The following GRIA1 variants were observed in gnomAD, a reference collection of about 807,000 sequenced individuals.
The protein encoded by GRIA1 is glutamate ionotropic receptor AMPA type subunit 1.
A neutral mutation model predicts 99.2 loss-of-function variants in GRIA1; 31 were observed. That is an observed-to-expected ratio of 0.31 (90% confidence interval 0.23 to 0.42). The LOEUF (loss-of-function observed/expected upper bound fraction) is 0.42, where lower values mean the gene tolerates loss of function less well. Among genes scored for constraint, GRIA1 ranks in the 10% least tolerant of loss-of-function variants. GRIA1 has a pLI of 1.00. For synonymous variants in GRIA1, 438 were observed against 432.4 expected, an observed-to-expected ratio of 1.01 and a Z score of -0.16; for missense variants, 782 against 1,157.5, an observed-to-expected ratio of 0.68 and a Z score of 4.71.
At chr5:153,610,723 G>A (rs1581325800) in intron 2 of GRIA1, among the ~76,000 whole-genome samples, 1 of 152,182 alleles carries the variant, frequency 6.6e-6, no homozygotes, top group South Asian at 2.1e-4. Context: ...TAAAATGGAA[G>A]TAAAAGTGCT....
Position 153,813,205 on chromosome 5 carries a change from A to C in GRIA1, c.*1980A>C, listed in dbSNP as rs1048377363. On this transcript the variant is annotated 3_prime_UTR_variant, in exon 16 of 16. Coordinates refer to ENST00000285900, the MANE Select transcript of GRIA1 (RefSeq NM_000827.4). ...CCCTCAAGATGGATGATTGCTTTTA[A>C]CTACTGCCAGCTGATGTCTCTCAGC... The C allele has an allele frequency of 3.9e-5, 6 of 152,172 alleles. No homozygotes were observed. Among genetic ancestry groups the C allele is most frequent in the African/African-American group, 1.4e-4 (6 of 41,436 alleles). The allele number at this position is 152,172 out of a possible 1,614,324, so 9.4% of individuals were successfully genotyped here. A position where few individuals can be genotyped will look rare whatever the true frequency, so the allele number is the denominator to read the frequency against.
chr5:153,794,809 C>T (rs1040950090), intron 14 of GRIA1, 74 bp downstream of exon 14: 3 of 828,020 alleles, frequency 3.6e-6, no homozygotes, highest in Non-Finnish European at 6.1e-6. Flanking sequence ...ACTGTTCTCC[C>T]AATACCTATC....
intron 2 of GRIA1, among the ~76,000 whole-genome samples, chr5:153,567,889 C>T (rs1761787768): frequency 6.6e-6 from 1 of 151,672 alleles, no homozygotes; most frequent in African/African-American, 2.4e-5. Context: ...ATCTAGTAGA[C>T]AGTAATAAGA....
At chr5:153,783,645 A>G (rs1282636269) in intron 13 of GRIA1, among the ~76,000 whole-genome samples, 1 of 152,202 alleles carries the variant, frequency 6.6e-6, no homozygotes, top group Admixed American at 6.5e-5. Flanking sequence ...CACATTTTAA[A>G]CTGCTGTGCA....
chr5:153,708,978 C>T (rs980188614), intron 11 of GRIA1, among the ~76,000 whole-genome samples: 1 of 152,122 alleles, frequency 6.6e-6, no homozygotes, highest in African/African-American at 2.4e-5. Flanking sequence ...TGTAAAATCT[C>T]CCTTGAGAGA....
intron 2 of GRIA1, among the ~76,000 whole-genome samples, chr5:153,524,716 T>C (rs889544896): frequency 6.6e-6 from 1 of 152,248 alleles, no homozygotes; most frequent in Non-Finnish European, 1.5e-5. Context: ...GATTCTGTCT[T>C]TGTACCCAGT....
chr5:153,655,776 C>G (rs779245795), intron 4 of GRIA1, 43 bp from the exon 5 acceptor site: 2 of 1,555,884 alleles, frequency 1.3e-6, no homozygotes, highest in Non-Finnish European at 1.8e-6. Flanking sequence ...GTGGCTTTAA[C>G]TGTTAGTATG....
At position 153,812,997 on chromosome 5, in the gene GRIA1, T is replaced by G. The variant is rs1418788020; in HGVS notation, c.*1772T>G. ...GTTTTGGAGCCCACCTAGGGGTAGG[T>G]GCAGCTTTATTGGCTTTTCTGTGGA... On this transcript the variant is annotated 3_prime_UTR_variant, in exon 16 of 16. Coordinates refer to ENST00000285900, the MANE Select transcript of GRIA1 (RefSeq NM_000827.4). 6.6e-6 allele frequency: 1 copy of G among 152,252 alleles called. No individual in the cohort carries two copies. The highest frequency in any genetic ancestry group is 2.4e-5 in the African/African-American group (1 of 41,454). 9.4% of individuals were successfully genotyped at this position (152,252 alleles called of 1,614,324 possible).
Position 153,705,786 on chromosome 5 carries a change from C to T in GRIA1, c.1542C>T (p.Ile514=), listed in dbSNP as rs1411245988. The T allele has an allele frequency of 2.1e-5, 33 of 1,561,782 alleles. No homozygotes were observed. Among genetic ancestry groups the T allele is most frequent in the Non-Finnish European group, 2.9e-5 (33 of 1,149,926 alleles). Residue 514 remains isoleucine (I), a synonymous_variant, in exon 11 of 16, where the codon ATC becomes ATT. Coordinates refer to ENST00000285900, the MANE Select transcript of GRIA1 (RefSeq NM_000827.4). ...CCAAACCATTTATGAGTTTGGGGAT[C>T]TCCATCATGATTAAAAAACCACAGA... ...DFSKPFMSLG[I]SIMIKKPQKS...
intron 2 of GRIA1, among the ~76,000 whole-genome samples, chr5:153,504,366 T>C (rs915538460): frequency 1.3e-5 from 2 of 151,786 alleles, no homozygotes; most frequent in African/African-American, 4.8e-5. Context: ...ATATACACTA[T>C]CTATATATAG....
At chr5:153,723,226 C>A (rs1269488317) in intron 11 of GRIA1, among the ~76,000 whole-genome samples, 1 of 152,198 alleles carries the variant, frequency 6.6e-6, no homozygotes, top group Non-Finnish European at 1.5e-5. Flanking sequence ...TGGGTTGCAT[C>A]ATCATATCGT....
chr5:153,513,913 G>A (rs771709658), intron 2 of GRIA1, among the ~76,000 whole-genome samples: 1 of 152,160 alleles, frequency 6.6e-6, no homozygotes, highest in South Asian at 2.1e-4. Flanking sequence ...ATGAAAAATT[G>A]CTTGTGAAAT....
chr5:153,760,021 A>G (rs374837822), intron 11 of GRIA1, among the ~76,000 whole-genome samples: 1 of 152,220 alleles, frequency 6.6e-6, no homozygotes, highest in East Asian at 1.9e-4. Flanking sequence ...AACCCTCAAC[A>G]AATTAACTAT....
At chr5:153,491,186 C>A in intron 1 of GRIA1, 1 of 1,135,698 alleles carries the variant, frequency 8.8e-7, no homozygotes, top group East Asian at 2.7e-5. Context: ...CACACGCACA[C>A]ATACCCTACT....
At chr5:153,615,943 A>C (rs2149415649) in intron 2 of GRIA1, among the ~76,000 whole-genome samples, 1 of 152,240 alleles carries the variant, frequency 6.6e-6, no homozygotes, top group East Asian at 1.9e-4. Flanking sequence ...TTTATTTTGA[A>C]AGCACTATCT....
chr5:153,802,155 T>C (rs1247089723), intron 14 of GRIA1, among the ~76,000 whole-genome samples: 2 of 152,116 alleles, frequency 1.3e-5, no homozygotes, highest in Non-Finnish European at 2.9e-5. Context: ...AATGTATAAA[T>C]ACATATACAC....
Position 153,782,936 on chromosome 5 carries a change from A to G in GRIA1, c.2271-11685A>G, listed in dbSNP as rs115942615. On this transcript the variant is annotated intron_variant, in intron 13 of 15. Coordinates refer to ENST00000285900, the MANE Select transcript of GRIA1 (RefSeq NM_000827.4). ...CTCTCATGGAATCCCATTATAAATG[A>G]GAGATACAGTGGAGCTGCAAGAGAT... is the stretch of plus-strand genomic sequence containing the variant. Among the ~76,000 whole-genome samples, 890 of 152,324 alleles carry G rather than the reference A, an allele frequency of 5.8e-3. 14 individuals are homozygous for G. The highest frequency in any genetic ancestry group is 0.02 in the African/African-American group (846 of 41,574).
At chr5:153,605,265 T>C (rs1213962010) in intron 2 of GRIA1, among the ~76,000 whole-genome samples, 1 of 152,166 alleles carries the variant, frequency 6.6e-6, no homozygotes, top group Non-Finnish European at 1.5e-5. Context: ...TATGTATTTA[T>C]GTGTGTATCT....
chr5:153,681,466 G>C (rs1756963579), intron 7 of GRIA1, among the ~76,000 whole-genome samples: 1 of 152,170 alleles, frequency 6.6e-6, no homozygotes, highest in African/African-American at 2.4e-5. Context: ...ATTGGGTTTT[G>C]GAGGTTCTGG....
Sources: gnomAD v4.1 joint callset for allele counts (sites outside exome capture counted in the v4.1 genomes callset) on GRCh38, gnomAD v4.1.1 for gene constraint, MANE v1.5 for transcripts, NCBI Gene and HGNC (gene_info 2026-07-23, HGNC 2026-07-21) for gene names.